Variants in PCDH15 observed in about 807,000 individuals in gnomAD.
PCDH15 encodes the protein protocadherin-15.
In PCDH15, 129 loss-of-function variants were observed where a neutral mutation model predicts 178.5. That is an observed-to-expected ratio of 0.72 (90% CI 0.63 to 0.84). The LOEUF (loss-of-function observed/expected upper bound fraction) is 0.84, where lower values mean the gene tolerates loss of function less well. Ranked by LOEUF, PCDH15 falls within the 40% of genes least tolerant of loss-of-function variation. The pLI, the probability that PCDH15 is intolerant of heterozygous loss-of-function variation, is 0.00. For synonymous variants in PCDH15, 800 were observed against 732.0 expected, an observed-to-expected ratio of 1.09 and a Z score of -1.50; for missense variants, 2,230 against 2,099.9, an observed-to-expected ratio of 1.06 and a Z score of -1.21.
chr10:54,741,310 GTAACTAAAAATGTAC>G (rs1944780757), intron 1 of PCDH15, among the ~76,000 whole-genome samples: 1 of 151,380 alleles, frequency 6.6e-6, no homozygotes, highest in South Asian at 2.1e-4. Flanking sequence ...TACATATTTA[GTAACTAAAAATGTAC>G]TCTTTCTCTT....
Position 53,831,543 on chromosome 10 carries a change from T to C in PCDH15, c.3984-10A>G, listed in dbSNP as rs1173380744. On this transcript the variant is annotated splice_polypyrimidine_tract_variant and intron_variant, in intron 29 of 37. Transcript: ENST00000644397. ...TTTGCCATCCAAAAATCTTTATTGT[T>C]AGATAAATAGTAAAATTAATGATGC... is the stretch of plus-strand genomic sequence containing the variant. 1 of 1,570,708 alleles carries C rather than the reference T, an allele frequency of 6.4e-7. No individual in the cohort carries two copies. Among genetic ancestry groups the C allele is most frequent in the South Asian group, 1.1e-5 (1 of 90,024 alleles).
At chr10:53,846,208 T>C (rs189163623) in intron 28 of PCDH15, among the ~76,000 whole-genome samples, 4 of 151,980 alleles carry the variant, frequency 2.6e-5, no homozygotes, top group East Asian at 1.9e-4. Flanking sequence ...CTGGCTGTGA[T>C]TGGTCTTCTA....
chr10:55,603,079 T>A (rs1435278822), intron 2 of PCDH15, among the ~76,000 whole-genome samples: 1 of 151,876 alleles, frequency 6.6e-6, no homozygotes, highest in African/African-American at 2.4e-5. Flanking sequence ...GCTCGAGAAC[T>A]ACGTGAAGAA....
At chr10:55,491,946 T>A (rs1463775906) in intron 2 of PCDH15, among the ~76,000 whole-genome samples, 2 of 151,510 alleles carry the variant, frequency 1.3e-5, no homozygotes, top group African/African-American at 4.8e-5. Flanking sequence ...GGAGTGTACT[T>A]GAGAGGATTA....
chr10:53,862,471 C>T (rs1564631693), intron 27 of PCDH15, among the ~76,000 whole-genome samples: 2 of 152,138 alleles, frequency 1.3e-5, no homozygotes, highest in African/African-American at 4.8e-5. Flanking sequence ...CTTCATTACA[C>T]AATATCAATA....
intron 3 of PCDH15, among the ~76,000 whole-genome samples, chr10:54,451,337 A>T (rs1376047562): frequency 6.6e-6 from 1 of 151,928 alleles, no homozygotes; most frequent in African/African-American, 2.4e-5. Context: ...ATAGACTTCA[A>T]CTAGTGAGCA....
At chr10:55,456,058 T>C (rs1224876518) in intron 2 of PCDH15, among the ~76,000 whole-genome samples, 2 of 152,132 alleles carry the variant, frequency 1.3e-5, no homozygotes, top group Admixed American at 6.5e-5. Context: ...GTGGGCGTGA[T>C]AGGGCATATG....
intron 5 of PCDH15, among the ~76,000 whole-genome samples, chr10:54,360,007 C>T (rs71492606): frequency 0.054 from 8,177 of 152,116 alleles, 253 homozygotes; most frequent in Admixed American, 0.098. Flanking sequence ...TGAAACTGGT[C>T]TAATCATCCC....
intron 18 of PCDH15, among the ~76,000 whole-genome samples, chr10:54,051,444 C>A (rs2093772343): frequency 6.6e-6 from 1 of 152,108 alleles, no homozygotes; most frequent in African/African-American, 2.4e-5. Flanking sequence ...GTGGTCTCAG[C>A]TGAAGATGGG....
intron 2 of PCDH15, among the ~76,000 whole-genome samples, chr10:54,989,738 G>A (rs1020318170): frequency 6.6e-6 from 1 of 152,136 alleles, no homozygotes; most frequent in African/African-American, 2.4e-5. Context: ...TAACTTTGGG[G>A]GAATGTTGGG....
intron 16 of PCDH15, among the ~76,000 whole-genome samples, chr10:54,087,125 T>C (rs1324294887): frequency 6.6e-6 from 1 of 152,202 alleles, no homozygotes; most frequent in Non-Finnish European, 1.5e-5. Context: ...GAAAACTTCA[T>C]TGTTGTCTTT....
chr10:55,218,440 C>T (rs528659007), intron 1 of PCDH15, among the ~76,000 whole-genome samples: 1 of 152,066 alleles, frequency 6.6e-6, no homozygotes, highest in South Asian at 2.1e-4. Context: ...GCTAGTGGTT[C>T]ACATTATTAT....
chr10:53,939,084 G>T (rs756115225), intron 24 of PCDH15, 129 bp from the exon 25 acceptor site: 5 of 878,112 alleles, frequency 5.7e-6, no homozygotes, highest in Non-Finnish European at 8.9e-6. Flanking sequence ...GCATGAAAGT[G>T]ACAAAATGCT....
At chr10:55,202,843 T>G (rs1564888665) in intron 1 of PCDH15, among the ~76,000 whole-genome samples, 1 of 152,118 alleles carries the variant, frequency 6.6e-6, no homozygotes, top group Non-Finnish European at 1.5e-5. Context: ...TCCTGCCTGC[T>G]GTGAAGAAGG....
At chr10:54,690,381 C>G (rs919756093) in intron 1 of PCDH15, among the ~76,000 whole-genome samples, 1 of 141,324 alleles carries the variant, frequency 7.1e-6, no homozygotes, top group East Asian at 2.1e-4. Context: ...GTGGCACCAT[C>G]TCGGCTCACT....
intron 2 of PCDH15, among the ~76,000 whole-genome samples, chr10:55,424,916 T>A (rs897732504): frequency 6.6e-6 from 1 of 151,904 alleles, no homozygotes; most frequent in Non-Finnish European, 1.5e-5. Flanking sequence ...TATTAAAAAA[T>A]ATAATTATTT....
At chr10:53,992,888 G>A (rs1390667516) in intron 21 of PCDH15, among the ~76,000 whole-genome samples, 2 of 152,144 alleles carry the variant, frequency 1.3e-5, no homozygotes, top group East Asian at 3.9e-4. Context: ...GAGCACTTCA[G>A]TTTTGCAAAA....
At chr10:54,152,103 C>T (rs978853196) in intron 14 of PCDH15, among the ~76,000 whole-genome samples, 7 of 152,152 alleles carry the variant, frequency 4.6e-5, no homozygotes, top group African/African-American at 1.4e-4. Context: ...GAGTATTTGA[C>T]TGGAAAGAAC....
intron 2 of PCDH15, among the ~76,000 whole-genome samples, chr10:55,548,210 G>GCGCA (rs386371439): frequency 0.042 from 5,051 of 121,184 alleles, 118 homozygotes; most frequent in Admixed American, 0.089. Context: ...AATGCCTAAT[G>GCGCA]CACACACACA....
Sources: gnomAD v4.1 joint callset for allele counts (sites outside exome capture counted in the v4.1 genomes callset) on GRCh38, gnomAD v4.1.1 for gene constraint, MANE v1.5 for transcripts, NCBI Gene and HGNC (gene_info 2026-07-23, HGNC 2026-07-21) for gene names.